The following FAM133B variants were observed in gnomAD, a reference collection of about 807,000 sequenced individuals.
FAM133B encodes protein FAM133B.
A neutral mutation model predicts 46.4 loss-of-function variants in FAM133B; 25 were observed. The ratio of observed to expected loss-of-function variants is 0.54; its 90% CI spans 0.39 to 0.75. FAM133B has a LOEUF of 0.75. Ranked by LOEUF, FAM133B falls within the 30% of genes least tolerant of loss-of-function variation. FAM133B has a pLI of 0.00. For missense variants in FAM133B, 205 were observed against 277.6 expected, an observed-to-expected ratio of 0.74 and a Z score of 1.86; for synonymous variants, 75 against 86.0, an observed-to-expected ratio of 0.87 and a Z score of 0.71.
rs1157519456 is a variant in FAM133B at position 92,560,929 on chromosome 7, A to C, written c.*1353T>G. ...GTATGTCATGTTACCTGATTATATA[A>C]AAATGTAAAATGAAAATGAATTATC... On this transcript the variant is annotated 3_prime_UTR_variant, in exon 11 of 11. Transcript: ENST00000445716. 2 of 152,660 alleles carry C rather than the reference A, an allele frequency of 1.3e-5. No individual in the cohort carries two copies. Among genetic ancestry groups the C allele is most frequent in the Non-Finnish European group, 2.9e-5 (2 of 68,034 alleles). 9.5% of individuals were successfully genotyped at this position (152,660 alleles called of 1,614,324 possible). A position where few individuals can be genotyped will look rare whatever the true frequency, so the allele number is the denominator to read the frequency against.
chr7:92,588,747 C>T (rs1795105302), intron 1 of FAM133B, among the ~76,000 whole-genome samples: 1 of 152,140 alleles, frequency 6.6e-6, no homozygotes, highest in Non-Finnish European at 1.5e-5. Flanking sequence ...GCATCCTCCT[C>T]TCCCCAGCAC....
chr7:92,571,568 AG>A (rs1585302065), intron 8 of FAM133B, among the ~76,000 whole-genome samples: 1 of 152,228 alleles, frequency 6.6e-6, no homozygotes, highest in East Asian at 1.9e-4. Flanking sequence ...CCCTTTCTCT[AG>A]TTGCATTTTC....
intron 3 of FAM133B, among the ~76,000 whole-genome samples, chr7:92,578,737 CAT>C (rs1473225772): frequency 6.6e-6 from 1 of 152,144 alleles, no homozygotes; most frequent in Non-Finnish European, 1.5e-5. Context: ...ATGTTATATA[CAT>C]GTTTGTAATC....
chr7:92,573,485 A>C (rs1237179325), intron 8 of FAM133B, among the ~76,000 whole-genome samples: 1 of 151,692 alleles, frequency 6.6e-6, no homozygotes, highest in Non-Finnish European at 1.5e-5. Context: ...TTAATACATA[A>C]AACAAGACTT....
At chr7:92,575,574 A>G (rs930530479) in intron 8 of FAM133B, among the ~76,000 whole-genome samples, 197 bp downstream of exon 8, 1 of 152,244 alleles carries the variant, frequency 6.6e-6, no homozygotes, top group Non-Finnish European at 1.5e-5. Flanking sequence ...ATATAAATTC[A>G]AACTCTTGGC....
intron 1 of FAM133B, among the ~76,000 whole-genome samples, chr7:92,587,849 T>C (rs1329377433): frequency 6.6e-6 from 1 of 152,190 alleles, no homozygotes; most frequent in African/African-American, 2.4e-5. Flanking sequence ...GGTTCATCAA[T>C]TTTAACAAAT....
At chr7:92,570,504 A>G (rs1451940313) in intron 8 of FAM133B, among the ~76,000 whole-genome samples, 1 of 152,122 alleles carries the variant, frequency 6.6e-6, no homozygotes, top group African/African-American at 2.4e-5. Context: ...AAATTATGAC[A>G]ACACCCAAAG....
intron 2 of FAM133B, 108 bp downstream of exon 2, chr7:92,581,398 T>C: frequency 4.7e-6 from 4 of 850,072 alleles, no homozygotes; most frequent in Non-Finnish European, 7.3e-6. Context: ...TTAAAAAAAT[T>C]ACTTATCTGG....
intron 1 of FAM133B, among the ~76,000 whole-genome samples, chr7:92,583,250 A>T (rs1318448129): frequency 6.6e-6 from 1 of 152,224 alleles, no homozygotes; most frequent in Non-Finnish European, 1.5e-5. Context: ...CAAATATATG[A>T]TTCCATTTAT....
In FAM133B at chr7:92,577,139, A is replaced by G; in HGVS notation, c.429T>C (p.Ser143=). 3.3e-6 allele frequency: 5 copies of G among 1,502,514 alleles called. No individual in the cohort carries two copies. Among genetic ancestry groups the G allele is most frequent in the South Asian group, 1.4e-5 (1 of 73,160 alleles). 93.1% of individuals were successfully genotyped at this position (1,502,514 alleles called of 1,614,324 possible). A position where few individuals can be genotyped will look rare whatever the true frequency, so the allele number is the denominator to read the frequency against. Residue 143 remains serine, a synonymous_variant, in exon 7 of 11, where the codon TCT becomes TCC. Transcript: ENST00000445716. ...ATTCAGTTTCTGACATGGAGCTTTC[A>G]GAAGATTTATGTGAACGGTTCTTCT... ...KKKKNRSHKS[S]ESSMSETESD...
chr7:92,578,398 A>G lies in FAM133B; in HGVS notation c.202-5T>C. The G allele has an allele frequency of 6.2e-7, 1 of 1,611,696 alleles. No individual in the cohort carries two copies. The highest frequency in any genetic ancestry group is 8.5e-7 in the Non-Finnish European group (1 of 1,178,794). ...TTCCAGTTCTTTCTTCCAGTTCTGC[A>G]AAAAGGTTATGAACACCATCAGAGA... On this transcript the variant is annotated splice_polypyrimidine_tract_variant and splice_region_variant and intron_variant, in intron 3 of 10. Transcript: ENST00000445716.
At chr7:92,573,163 C>CTT (rs376920507) in intron 8 of FAM133B, among the ~76,000 whole-genome samples, 90 of 118,324 alleles carry the variant, frequency 7.6e-4, no homozygotes, top group South Asian at 5.6e-3. Context: ...AGTTTGGGGA[C>CTT]TTTTTTTTTT....
intron 1 of FAM133B, among the ~76,000 whole-genome samples, chr7:92,587,298 A>G (rs1795062243): frequency 6.6e-6 from 1 of 152,246 alleles, no homozygotes; most frequent in African/African-American, 2.4e-5. Context: ...TATTTTCACA[A>G]GCAAATATTC....
chr7:92,590,055 A>T (rs776344688), intron 1 of FAM133B: 46 of 633,622 alleles, frequency 7.3e-5, no homozygotes, highest in Non-Finnish European at 1.2e-4. Flanking sequence ...GAGGGAAGAA[A>T]AAAGGGGCGG....
intron 5 of FAM133B, 195 bp downstream of exon 5, chr7:92,577,955 A>G: frequency 1.5e-6 from 1 of 655,678 alleles, no homozygotes; most frequent in South Asian, 2.1e-5. Flanking sequence ...AAAATGTACT[A>G]CGTTATAAGG....
intron 8 of FAM133B, among the ~76,000 whole-genome samples, chr7:92,570,919 T>C (rs894984995): frequency 3.3e-5 from 5 of 152,194 alleles, no homozygotes; most frequent in African/African-American, 9.6e-5. Flanking sequence ...TTTCTAAGTG[T>C]ATGTTTACAA....
chr7:92,562,174 A>C lies in FAM133B; in HGVS notation c.*108T>G, dbSNP rs1794177881. 7.3e-7 allele frequency: 1 copy of C among 1,377,792 alleles called. No individual in the cohort carries two copies. Among genetic ancestry groups the C allele is most frequent in the Non-Finnish European group, 9.6e-7 (1 of 1,040,524 alleles). The allele number at this position is 1,377,792 out of a possible 1,614,324, so 85.3% of individuals were successfully genotyped here. ...TACTGAATAGTCCAGGAATAATTCC[A>C]AAAACAAGAAAATTCATGCATTTTA... is the stretch of plus-strand genomic sequence containing the variant. On this transcript the variant is annotated 3_prime_UTR_variant, in exon 11 of 11. Coordinates refer to ENST00000445716, the MANE Select transcript of FAM133B (RefSeq NM_152789.4).
At chr7:92,568,106 A>G (rs899839808) in intron 9 of FAM133B, among the ~76,000 whole-genome samples, 4 of 152,038 alleles carry the variant, frequency 2.6e-5, no homozygotes, top group African/African-American at 9.7e-5. Context: ...ATTTTTTTAA[A>G]GAGATAGGGT....
intron 8 of FAM133B, among the ~76,000 whole-genome samples, chr7:92,570,430 G>C (rs1418129769): frequency 2.0e-5 from 3 of 152,060 alleles, no homozygotes; most frequent in Non-Finnish European, 4.4e-5. Flanking sequence ...TCTGGAGAAG[G>C]AGAGGGGACT....
Sources: allele counts gnomAD v4.1 joint callset (sites outside exome capture counted in the v4.1 genomes callset), GRCh38; gene constraint gnomAD v4.1.1; transcripts MANE v1.5; gene names NCBI Gene and HGNC (gene_info 2026-07-23, HGNC 2026-07-21).